Variants in SLC25A20 observed in about 807,000 individuals in gnomAD.
SLC25A20 encodes mitochondrial carnitine/acylcarnitine carrier protein.
Under a neutral mutation model 39.7 loss-of-function variants are expected in SLC25A20, and 29 were observed. The ratio of observed to expected loss-of-function variants is 0.73; its 90% CI spans 0.54 to 1.00. SLC25A20 has a LOEUF of 1.00. Ranked by LOEUF, SLC25A20 falls within the 50% of genes least tolerant of loss-of-function variation. The pLI is 0.00. For missense variants in SLC25A20, 333 were observed against 379.9 expected, an observed-to-expected ratio of 0.88 and a Z score of 1.03; for synonymous variants, 103 against 142.2, an observed-to-expected ratio of 0.72 and a Z score of 1.96.
At chr3:48,878,703 G>A (rs563677690) in intron 4 of SLC25A20, among the ~76,000 whole-genome samples, 1 of 151,528 alleles carries the variant, frequency 6.6e-6, no homozygotes, top group East Asian at 2.0e-4. Flanking sequence ...AGGAGGCTGA[G>A]GCAGGAGAAT....
chr3:48,887,835 G>A (rs774323868), intron 2 of SLC25A20, among the ~76,000 whole-genome samples: 2 of 151,858 alleles, frequency 1.3e-5, no homozygotes, highest in Non-Finnish European at 2.9e-5. Flanking sequence ...CCCGGGAGGC[G>A]GAGGTTGCAG....
chr3:48,886,736 C>T (rs1252959064), intron 2 of SLC25A20, among the ~76,000 whole-genome samples: 3 of 152,066 alleles, frequency 2.0e-5, no homozygotes, highest in Admixed American at 6.6e-5. Flanking sequence ...ATCTCAGGTA[C>T]GCAGGAGGCT....
chr3:48,897,908 C>T (rs986047382), intron 1 of SLC25A20, among the ~76,000 whole-genome samples: 1 of 152,150 alleles, frequency 6.6e-6, no homozygotes, highest in Non-Finnish European at 1.5e-5. Context: ...GGGGGATGGA[C>T]TTTGGTCCCC....
intron 4 of SLC25A20, among the ~76,000 whole-genome samples, chr3:48,876,119 G>A (rs977350969): frequency 1.3e-5 from 2 of 152,022 alleles, no homozygotes; most frequent in Admixed American, 1.3e-4. Context: ...GAGGTGGGTG[G>A]ATCACCTGAG....
chr3:48,867,211 A>C (rs1451503252), intron 4 of SLC25A20, among the ~76,000 whole-genome samples: 1 of 151,194 alleles, frequency 6.6e-6, no homozygotes, highest in Admixed American at 6.6e-5. Context: ...AAAAGTGCTG[A>C]GATTATAGGT....
At chr3:48,870,887 C>T (rs1481252602) in intron 4 of SLC25A20, among the ~76,000 whole-genome samples, 1 of 146,910 alleles carries the variant, frequency 6.8e-6, no homozygotes, top group Non-Finnish European at 1.5e-5. Flanking sequence ...AGTGCAGTGG[C>T]GTGATCTCAG....
chr3:48,869,838 C>A (rs2083701323), intron 4 of SLC25A20, among the ~76,000 whole-genome samples: 1 of 152,120 alleles, frequency 6.6e-6, no homozygotes, highest in Non-Finnish European at 1.5e-5. Context: ...AGAAAAGAAG[C>A]CAGGCATGGT....
chr3:48,891,133 T>C (rs573999758), intron 2 of SLC25A20, among the ~76,000 whole-genome samples: 1 of 151,862 alleles, frequency 6.6e-6, no homozygotes, highest in Non-Finnish European at 1.5e-5. Context: ...CTAAGCCCCG[T>C]AGGGCTGGAC....
chr3:48,876,969 G>A (rs938670833), intron 4 of SLC25A20, among the ~76,000 whole-genome samples: 5 of 151,766 alleles, frequency 3.3e-5, no homozygotes, highest in African/African-American at 7.3e-5. Flanking sequence ...GGTGGTGGGC[G>A]CCTGTAGTCC....
chr3:48,878,569 G>T (rs2083778961), intron 4 of SLC25A20, among the ~76,000 whole-genome samples: 1 of 151,894 alleles, frequency 6.6e-6, no homozygotes, highest in African/African-American at 2.4e-5. Context: ...AGAGGCCGAG[G>T]CAGGTGGATC....
chr3:48,879,038 T>A (rs2083781467), intron 4 of SLC25A20, among the ~76,000 whole-genome samples: 1 of 151,900 alleles, frequency 6.6e-6, no homozygotes, highest in South Asian at 2.1e-4. Context: ...ACCTGGCTAA[T>A]TTTTGTATTT....
intron 7 of SLC25A20, among the ~76,000 whole-genome samples, chr3:48,858,879 T>C (rs1011676700): frequency 6.6e-6 from 1 of 152,166 alleles, no homozygotes; most frequent in African/African-American, 2.4e-5. Context: ...GGACTTGACT[T>C]CTTATCACAC....
At chr3:48,865,887 T>G (rs1441135747) in intron 4 of SLC25A20, among the ~76,000 whole-genome samples, 2 of 151,778 alleles carry the variant, frequency 1.3e-5, no homozygotes, top group Non-Finnish European at 2.9e-5. Flanking sequence ...TCCCAGCACT[T>G]TGGGAGGCCG....
At chr3:48,889,279 A>G (rs931676216) in intron 2 of SLC25A20, among the ~76,000 whole-genome samples, 1 of 150,646 alleles carries the variant, frequency 6.6e-6, no homozygotes, top group Non-Finnish European at 1.5e-5. Flanking sequence ...AATCTCAGCT[A>G]CTCGGGAAGC....
intron 4 of SLC25A20, among the ~76,000 whole-genome samples, chr3:48,867,082 A>G (rs1034351081): frequency 3.9e-5 from 6 of 151,900 alleles, no homozygotes; most frequent in Non-Finnish European, 8.8e-5. Flanking sequence ...GGTGTGAGCC[A>G]CCGCGCCTGG....
chr3:48,874,107 C>T (rs1442740425), intron 4 of SLC25A20, among the ~76,000 whole-genome samples: 1 of 151,688 alleles, frequency 6.6e-6, no homozygotes, highest in Non-Finnish European at 1.5e-5. Context: ...GCCTGGCCAA[C>T]ATGGCAAAAC....
At position 48,885,068 on chromosome 3, in the gene SLC25A20, G is replaced by T. The variant is rs182466301; in HGVS notation, c.199-944C>A. Among the ~76,000 whole-genome samples, 18 of 152,160 alleles carry T rather than the reference G, an allele frequency of 1.2e-4. No individual in the cohort carries two copies. The East Asian group carries it at 2.5e-3, about 21-fold the overall frequency. On this transcript the variant is annotated intron_variant, in intron 2 of 8. Coordinates refer to ENST00000319017, the MANE Select transcript of SLC25A20 (RefSeq NM_000387.6). ...AGTTTAGTAATGAAAGGGAAGATGA[G>T]CCTGGGCAGCATAGCAAGACCCTGT... is the stretch of plus-strand genomic sequence containing the variant.
rs558164066 is a variant in SLC25A20 at position 48,881,109 on chromosome 3, T to C, written c.327-1661A>G. ...CAAATGGGGCTAGAGGGACATCCAC[T>C]GTAAAGAGTTCACTCCAGGCAGGGC... is the stretch of plus-strand genomic sequence containing the variant. On this transcript the variant is annotated intron_variant, in intron 3 of 8. Coordinates refer to ENST00000319017, the MANE Select transcript of SLC25A20 (RefSeq NM_000387.6). 2.0e-5 allele frequency among the ~76,000 whole-genome samples: 3 copies of C among 152,228 alleles called. No homozygotes were observed. In the South Asian group the frequency reaches 6.2e-4, roughly 32 times the overall value.
At chr3:48,872,552 T>C (rs1297389974) in intron 4 of SLC25A20, among the ~76,000 whole-genome samples, 1 of 151,856 alleles carries the variant, frequency 6.6e-6, no homozygotes, top group African/African-American at 2.4e-5. Context: ...CTACTACTCA[T>C]ATATTATACA....
Sources: gnomAD v4.1 joint callset for allele counts (sites outside exome capture counted in the v4.1 genomes callset) on GRCh38, gnomAD v4.1.1 for gene constraint, MANE v1.5 for transcripts, NCBI Gene and HGNC (gene_info 2026-07-23, HGNC 2026-07-21) for gene names.